Variants in EMID1 observed in about 807,000 individuals in gnomAD.
EMID1 encodes EMI domain containing 1.
EMID1 carries 40 observed loss-of-function variants against 60.6 expected under a neutral mutation model. That is an observed-to-expected ratio of 0.66 (90% confidence interval 0.51 to 0.86). The LOEUF is 0.86. EMID1 is among the 40% of genes least tolerant of loss of function. The probability of loss-of-function intolerance (pLI) is 0.00; values close to 1 mark genes in which losing one functional copy is unlikely to be tolerated. For missense variants in EMID1, 585 were observed against 597.1 expected (o/e 0.98, Z 0.21); for synonymous variants, 242 against 231.0 (o/e 1.05, Z -0.43).
In EMID1 at chr22:29,206,139, G is replaced by C; in HGVS notation, c.101G>C (p.Arg34Thr). The change falls in exon 1 of 15, where the codon AGG (arginine) becomes ACG (threonine). Residue 34 changes from arginine (R) to threonine (T), a missense_variant and splice_region_variant. Transcript: ENST00000334018. ...GGGGCAGCTCCGTTCTCCGGACGCA[G>C]GTAAGAGCTCCCGGCGCCTTTGCAC... ...SIGAAPFSGR[R>T]NWCSYVVTRT... is the part of the protein sequence containing the mutation. 1 of 1,230,620 alleles carries C rather than the reference G, an allele frequency of 8.1e-7. No homozygotes were observed. Among genetic ancestry groups the C allele is most frequent in the Non-Finnish European group, 1.0e-6 (1 of 986,980 alleles). The allele number at this position is 1,230,620 out of a possible 1,614,324, so 76.2% of individuals were successfully genotyped here.
intron 13 of EMID1, among the ~76,000 whole-genome samples, chr22:29,252,575 G>T (rs551360813): frequency 6.6e-6 from 1 of 152,324 alleles, no homozygotes; most frequent in East Asian, 1.9e-4. Context: ...GTGGAGCGTT[G>T]TCAAGACTAT....
At chr22:29,226,020 C>T (rs1426320795) in intron 4 of EMID1, among the ~76,000 whole-genome samples, 2 of 151,098 alleles carry the variant, frequency 1.3e-5, no homozygotes, top group Admixed American at 1.3e-4. Context: ...GGCCCCAGCC[C>T]TGCCCAGGCA....
In EMID1 at chr22:29,232,398, G is replaced by A. The variant is rs537967185; in HGVS notation, c.819G>A (p.Gln273=). The A allele has an allele frequency of 9.0e-5, 142 of 1,576,736 alleles. 1 individual carries two copies. The South Asian group carries it at 1.6e-3, about 18-fold the overall frequency. ...PVGPPHARIS[Q]HGDPLLSNTF... ...GGCCACCCCATGCCCGGATCTCCCA[G>A]CATGGTGAGTCCCCCTGGGATCCCA... is the stretch of plus-strand genomic sequence containing the variant. The change falls in exon 8 of 15, where the codon CAG becomes CAA. Residue 273 remains glutamine, a synonymous_variant. Coordinates refer to ENST00000334018, the MANE Select transcript of EMID1 (RefSeq NM_133455.4).
chr22:29,253,854 T>TTC (rs1441111760), intron 13 of EMID1: 1 of 963,498 alleles, frequency 1.0e-6, no homozygotes, highest in African/African-American at 1.8e-5. Context: ...GCGACAGACA[T>TTC]TAGAGGACAG....
Position 29,238,258 on chromosome 22 carries a change from ATT to A in EMID1, c.1074+3910_1074+3911del, listed in dbSNP as rs2041028902. On this transcript the variant is annotated intron_variant, in intron 12 of 14. Coordinates refer to ENST00000334018, the MANE Select transcript of EMID1 (RefSeq NM_133455.4). The stretch of plus-strand genomic sequence containing the variant: ...ATTCTCTGAAGTTTTTCTAAAAATT[ATT>A]ATTATTATTATTATTATTATTATTA... Among the ~76,000 whole-genome samples, 14 of 23,860 alleles carry A rather than the reference ATT, an allele frequency of 5.9e-4. 2 individuals carry two copies. Among genetic ancestry groups the A allele is most frequent in the South Asian group, 1.4e-3 (2 of 1,458 alleles). The allele number at this position is 23,860 out of a possible 152,430, so 15.7% of individuals were successfully genotyped here.
intron 14 of EMID1, among the ~76,000 whole-genome samples, 187 bp from the exon 15 acceptor site, chr22:29,258,630 G>A (rs1164746429): frequency 6.6e-6 from 1 of 152,198 alleles, no homozygotes; most frequent in Non-Finnish European, 1.5e-5. Flanking sequence ...TGGGGGGCTG[G>A]TAAGTCCTGG....
At chr22:29,246,192 T>G (rs2041325772) in intron 13 of EMID1, among the ~76,000 whole-genome samples, 1 of 152,068 alleles carries the variant, frequency 6.6e-6, no homozygotes, top group Non-Finnish European at 1.5e-5. Flanking sequence ...GCCTCGGATA[T>G]TTGAGGAGCT....
rs138055668 is a variant in EMID1, at chr22:29,229,310, G to T, written c.466-1710G>T. ...GTCGTGATAGCACCACTGCACTCTA[G>T]CCTGGACGGCAGAGCTAGACCCTGT... On this transcript the variant is annotated intron_variant, in intron 5 of 14. Coordinates refer to ENST00000334018, the MANE Select transcript of EMID1 (RefSeq NM_133455.4). 1.7e-3 allele frequency among the ~76,000 whole-genome samples: 264 copies of T among 152,106 alleles called. 1 individual carries two copies. The highest frequency in any genetic ancestry group is 5.7e-3 in the African/African-American group (238 of 41,490).
intron 1 of EMID1, among the ~76,000 whole-genome samples, chr22:29,212,003 T>A (rs1236942077): frequency 6.6e-6 from 1 of 152,266 alleles, no homozygotes; most frequent in Non-Finnish European, 1.5e-5. Flanking sequence ...TTTTTTGTTT[T>A]GAGACAGAGT....
intron 1 of EMID1, among the ~76,000 whole-genome samples, chr22:29,208,133 G>T (rs954925243): frequency 5.3e-5 from 8 of 152,150 alleles, no homozygotes; most frequent in Non-Finnish European, 1.0e-4. Flanking sequence ...GAGTCTGTGG[G>T]CTACCAGAAC....
At chr22:29,251,261 T>C in intron 13 of EMID1, among the ~76,000 whole-genome samples, 1 of 151,356 alleles carries the variant, frequency 6.6e-6, no homozygotes, top group East Asian at 2.0e-4. Context: ...TTTGTATTTT[T>C]AGTAGAGATG....
At chr22:29,229,822 TG>T (rs2040662226) in intron 5 of EMID1, among the ~76,000 whole-genome samples, 2 of 152,280 alleles carry the variant, frequency 1.3e-5, no homozygotes, top group Non-Finnish European at 2.9e-5. Flanking sequence ...TGGGAATTCC[TG>T]GTTCAGGATC....
chr22:29,220,481 G>A (rs2040251380), intron 3 of EMID1, among the ~76,000 whole-genome samples: 1 of 152,092 alleles, frequency 6.6e-6, no homozygotes, highest in Admixed American at 6.6e-5. Flanking sequence ...CATTTGCAAA[G>A]TAAATTCCTT....
At chr22:29,220,009 C>G (rs372959880) in intron 3 of EMID1, among the ~76,000 whole-genome samples, 5 of 152,234 alleles carry the variant, frequency 3.3e-5, no homozygotes, top group East Asian at 1.9e-4. Flanking sequence ...CAGCCACCCC[C>G]ACTCCTGGAA....
At chr22:29,226,630 C>CTCCT in intron 5 of EMID1, 79 bp downstream of exon 5, 1 of 1,448,004 alleles carries the variant, frequency 6.9e-7, no homozygotes, top group Non-Finnish European at 9.3e-7. Context: ...CCCTCCCCAC[C>CTCCT]TCCTTCCCCG....
intron 13 of EMID1, among the ~76,000 whole-genome samples, chr22:29,248,775 A>T (rs1445669400): frequency 6.6e-6 from 1 of 151,946 alleles, no homozygotes; most frequent in Non-Finnish European, 1.5e-5. Context: ...GGGGAAGTCG[A>T]GGCTGCAGTA....
Position 29,259,030 on chromosome 22 carries a change from A to G in EMID1, c.*86A>G. 6.5e-7 allele frequency: 1 copy of G among 1,529,902 alleles called. No homozygotes were observed. The allele number at this position is 1,529,902 out of a possible 1,614,324, so 94.8% of individuals were successfully genotyped here. ...AGCTGCCTCCAGGGACCGCCCGTCCATATTTATTAATGTCCTCAGGGTCCC... is the reference window on the plus strand; with the variant it reads ...AGCTGCCTCCAGGGACCGCCCGTCCGTATTTATTAATGTCCTCAGGGTCCC... On this transcript the variant is annotated 3_prime_UTR_variant, in exon 15 of 15. Coordinates refer to ENST00000334018, the MANE Select transcript of EMID1 (RefSeq NM_133455.4).
At chr22:29,208,105 A>G (rs931052769) in intron 1 of EMID1, among the ~76,000 whole-genome samples, 2 of 152,136 alleles carry the variant, frequency 1.3e-5, no homozygotes, top group Non-Finnish European at 2.9e-5. Flanking sequence ...ACATGGGGGT[A>G]GGGACCTGGA....
At chr22:29,215,119 G>A in intron 2 of EMID1, 80 bp downstream of exon 2, 1 of 1,450,844 alleles carries the variant, frequency 6.9e-7, no homozygotes, top group Non-Finnish European at 9.2e-7. Context: ...GGGACTGCAT[G>A]GGGAGTGTGG....
Sources: allele counts gnomAD v4.1 joint callset (sites outside exome capture counted in the v4.1 genomes callset), GRCh38; gene constraint gnomAD v4.1.1; transcripts MANE v1.5; gene names NCBI Gene and HGNC (gene_info 2026-07-23, HGNC 2026-07-21).